ZC3H12B: variants seen among roughly 807,000 people sequenced by gnomAD.
ZC3H12B encodes the protein zinc finger CCCH-type containing 12B, also known as probable ribonuclease ZC3H12B.
Under a neutral mutation model 43.9 loss-of-function variants are expected in ZC3H12B, and 7 were observed. That is an observed-to-expected ratio of 0.16 (90% CI 0.09 to 0.30). ZC3H12B has a LOEUF of 0.30. Ranked by LOEUF, ZC3H12B falls within the 10% of genes least tolerant of loss-of-function variation. ZC3H12B has a pLI of 1.00. For synonymous variants in ZC3H12B, 222 were observed against 241.7 expected (o/e 0.92, Z 0.76); for missense variants, 475 against 670.2 (o/e 0.71, Z 3.22).
the ZC3H12B span, among the ~76,000 whole-genome samples, chrX:65,278,466 C>T: frequency 9.0e-6 from 1 of 111,697 alleles, no homozygotes; most frequent in Non-Finnish European, 1.9e-5. Flanking sequence ...CTTAGTTGAG[C>T]AGCTCAAGCC....
At chrX:65,301,421 G>A in the ZC3H12B span, among the ~76,000 whole-genome samples, 1 of 111,045 alleles carries the variant, frequency 9.0e-6, no homozygotes, top group African/African-American at 3.3e-5. Context: ...GCAAAAATAT[G>A]GAACCAGCTC....
chrX:65,195,712 A>G, the ZC3H12B span, among the ~76,000 whole-genome samples: 1 of 112,234 alleles, frequency 8.9e-6, no homozygotes, highest in Non-Finnish European at 1.9e-5. Context: ...TGCAGGAGCC[A>G]GAAAGATTAG....
the ZC3H12B span, among the ~76,000 whole-genome samples, chrX:65,227,002 G>A: frequency 5.0e-3 from 556 of 110,832 alleles, 2 homozygotes; most frequent in African/African-American, 0.016. Flanking sequence ...GGATACCCAG[G>A]AATTGAACTC....
intron 3 of ZC3H12B, among the ~76,000 whole-genome samples, chrX:65,406,742 C>T (rs1383656448): frequency 8.9e-6 from 1 of 112,004 alleles, no homozygotes; most frequent in Non-Finnish European, 1.9e-5. Context: ...GCTGCAGGAG[C>T]AGCAGCAGCA....
At chrX:65,192,006 G>T in the ZC3H12B span, among the ~76,000 whole-genome samples, 1 of 108,811 alleles carries the variant, frequency 9.2e-6, no homozygotes, top group Non-Finnish European at 1.9e-5. Context: ...TTGTGTCTTT[G>T]TTCTCGTTGG....
At chrX:65,104,801 T>A in the ZC3H12B span, among the ~76,000 whole-genome samples, 4 of 111,694 alleles carry the variant, frequency 3.6e-5, no homozygotes, top group African/African-American at 9.8e-5. Context: ...TGTACACTAT[T>A]GGTGGGAGTG....
At chrX:65,199,483 T>G in the ZC3H12B span, among the ~76,000 whole-genome samples, 1 of 110,785 alleles carries the variant, frequency 9.0e-6, no homozygotes, top group Non-Finnish European at 1.9e-5. Context: ...GAGCAGGATG[T>G]GCAGGTTTGT....
At chrX:65,327,295 C>G in the ZC3H12B span, among the ~76,000 whole-genome samples, 16 of 110,576 alleles carry the variant, frequency 1.4e-4, no homozygotes, top group South Asian at 6.0e-3. Context: ...ATCTACATAT[C>G]GATATATAGA....
the ZC3H12B span, among the ~76,000 whole-genome samples, chrX:65,226,548 A>G: frequency 9.0e-6 from 1 of 111,663 alleles, no homozygotes; most frequent in African/African-American, 3.3e-5. Context: ...CTTTAAATGT[A>G]AATGGACTAA....
the ZC3H12B span, among the ~76,000 whole-genome samples, chrX:65,158,616 GTTGT>G: frequency 9.0e-5 from 10 of 111,661 alleles, no homozygotes; most frequent in Non-Finnish European, 1.7e-4. Context: ...TTTTGATGGG[GTTGT>G]TTGTTTTTTT....
the ZC3H12B span, among the ~76,000 whole-genome samples, chrX:65,359,543 TC>T: frequency 2.7e-5 from 3 of 111,762 alleles, no homozygotes; most frequent in Admixed American, 2.9e-4. Context: ...GATCAAGACT[TC>T]ACTGGAAAAA....
the ZC3H12B span, among the ~76,000 whole-genome samples, chrX:65,088,764 A>G: frequency 9.0e-6 from 1 of 111,186 alleles, no homozygotes; most frequent in East Asian, 2.8e-4. Flanking sequence ...TCGCCTTCTG[A>G]AATGTCTCTT....
chrX:65,274,612 C>G, the ZC3H12B span, among the ~76,000 whole-genome samples: 1 of 108,919 alleles, frequency 9.2e-6, no homozygotes, highest in South Asian at 4.1e-4. Flanking sequence ...GCCTACCTAA[C>G]CCCAAGCAGA....
the ZC3H12B span, among the ~76,000 whole-genome samples, chrX:65,083,017 T>C: frequency 1.8e-5 from 2 of 109,968 alleles, no homozygotes; most frequent in Non-Finnish European, 3.8e-5. Context: ...AAACATATGG[T>C]CATTTCAGTT....
the ZC3H12B span, among the ~76,000 whole-genome samples, chrX:65,266,381 C>A: frequency 2.7e-5 from 3 of 111,623 alleles, no homozygotes; most frequent in East Asian, 2.8e-4. Context: ...TCTGCCCTGG[C>A]AAAGCTTTAA....
chrX:65,188,835 G>A, the ZC3H12B span, among the ~76,000 whole-genome samples: 891 of 104,312 alleles, frequency 8.5e-3, 14 homozygotes, highest in African/African-American at 0.03. Context: ...TAGGGTACAT[G>A]TGCACATTGT....
the ZC3H12B span, among the ~76,000 whole-genome samples, chrX:65,118,488 T>A: frequency 2.7e-5 from 3 of 111,092 alleles, no homozygotes; most frequent in African/African-American, 9.8e-5. Context: ...TTTCTAAATA[T>A]TTAGAAATGT....
At chrX:65,162,038 C>G in the ZC3H12B span, among the ~76,000 whole-genome samples, 1 of 111,145 alleles carries the variant, frequency 9.0e-6, no homozygotes, top group Non-Finnish European at 1.9e-5. Flanking sequence ...CTTAGTTTGG[C>G]TGGATATGAA....
At chrX:65,087,663 T>A in the ZC3H12B span, among the ~76,000 whole-genome samples, 1 of 111,592 alleles carries the variant, frequency 9.0e-6, no homozygotes, top group Non-Finnish European at 1.9e-5. Flanking sequence ...ACTTTGGAAG[T>A]GATCCATTAC....
Sources: gnomAD v4.1 joint callset for allele counts (sites outside exome capture counted in the v4.1 genomes callset) on GRCh38, gnomAD v4.1.1 for gene constraint, MANE v1.5 for transcripts, NCBI Gene and HGNC (gene_info 2026-07-23, HGNC 2026-07-21) for gene names.